ADAM11: variants seen among roughly 807,000 people sequenced by gnomAD.
The protein encoded by ADAM11 is disintegrin and metalloproteinase domain-containing protein 11.
A neutral mutation model predicts 119.1 loss-of-function variants in ADAM11; 49 were observed. The ratio of observed to expected loss-of-function variants is 0.41; its 90% CI spans 0.33 to 0.52. The LOEUF (loss-of-function observed/expected upper bound fraction) is 0.52, where lower values mean the gene tolerates loss of function less well. Ranked by LOEUF, ADAM11 falls within the 20% of genes least tolerant of loss-of-function variation. The pLI is 0.20. For missense variants in ADAM11, 777 were observed against 1,047.5 expected (o/e 0.74, Z 3.56); for synonymous variants, 364 against 408.0 (o/e 0.89, Z 1.30).
rs751906080 is a variant in ADAM11, at chr17:44,771,574, G to A, written c.382-10G>A. 3.1e-6 allele frequency: 5 copies of A among 1,610,740 alleles called. No individual in the cohort carries two copies. In the South Asian group the frequency reaches 5.5e-5, roughly 18 times the overall value. ...ATGCCAGCGTTCTGCTCACTGTTCT[G>A]CTCCTTCAGGGGGCTGGAGACCACT... On this transcript the variant is annotated splice_polypyrimidine_tract_variant and intron_variant, in intron 4 of 26. Transcript: ENST00000200557.
intron 6 of ADAM11, 63 bp downstream of exon 6, chr17:44,771,894 T>C (rs1301513642): frequency 2.6e-6 from 4 of 1,544,524 alleles, no homozygotes; most frequent in Admixed American, 1.9e-5. Context: ...TCCCAACAGC[T>C]GTTGCTGCCA....
intron 2 of ADAM11, among the ~76,000 whole-genome samples, chr17:44,762,992 C>A (rs1377463856): frequency 6.6e-6 from 1 of 151,702 alleles, no homozygotes; most frequent in Non-Finnish European, 1.5e-5. Context: ...AAAAATTACC[C>A]AAGCATGGTG....
rs764055319 is a variant in ADAM11 at position 44,773,033 on chromosome 17, C to T, written c.773C>T (p.Ser258Leu). 20 of 1,614,060 alleles carry T rather than the reference C, an allele frequency of 1.2e-5. No homozygotes were observed. Among genetic ancestry groups the T allele is most frequent in the South Asian group, 4.4e-5 (4 of 91,076 alleles). The part of the protein sequence containing the change: ...DHQLFEQMRQ[S>L]VVLTSNFAKS... ...TCCCAGTTCGAGCAGATGCGACAGT[C>T]GGTGGTCCTCACCAGCAACTTTGCC... Residue 258 changes from serine to leucine, a missense_variant, in exon 10 of 27, where the codon TCG (serine) becomes TTG (leucine). Transcript: ENST00000200557. This position sits in a 1 kb window ranked among gnomAD's most constrained non-coding sequence, Gnocchi z 4.6.
Position 44,772,753 on chromosome 17 carries a change from C to A in ADAM11, c.679-104C>A. The A allele has an allele frequency of 1.9e-6, 2 of 1,077,868 alleles. No homozygotes were observed. Among genetic ancestry groups the A allele is most frequent in the Non-Finnish European group, 2.8e-6 (2 of 723,066 alleles). 66.8% of individuals were successfully genotyped at this position (1,077,868 alleles called of 1,614,324 possible). ...AGTGGGGAGCTGGCACTGTCCCTGG[C>A]TGGAGTCCAGACCCCCCCATCCCCA... On this transcript the variant is annotated intron_variant, in intron 8 of 26. Transcript: ENST00000200557. The surrounding 1 kb of genome is among the most constrained non-coding windows in gnomAD (Gnocchi z 4.5).
rs535379422 is a variant in ADAM11, at chr17:44,777,531, C to T, written c.1831C>T (p.Arg611Trp). ...LLCVNISGAPRLGDLVGDISS... is the reference protein window; with the variant it reads ...LLCVNISGAPWLGDLVGDISS... ...CTGTGTCAACATCTCTGGAGCTCCT[C>T]GGCTAGGGGACCTGGTGGGAGACAT... Residue 611 changes from arginine (R) to tryptophan (W), a missense_variant, in exon 22 of 27, where the codon CGG (arginine) becomes TGG (tryptophan). This residue lies in a region of ADAM11 where 348 missense variants were observed against 486.7 expected (regional missense o/e 0.72). Transcript: ENST00000200557. The surrounding 1 kb of genome is among the most constrained non-coding windows in gnomAD (Gnocchi z 5.1). 16 of 1,614,054 alleles carry T rather than the reference C, an allele frequency of 9.9e-6. No individual in the cohort carries two copies. In the South Asian group the frequency reaches 1.1e-4, roughly 11 times the overall value.
rs1401002975 is a variant in ADAM11, at chr17:44,771,809, C to T, written c.521C>T (p.Ala174Val). The T allele has an allele frequency of 2.5e-6, 4 of 1,612,324 alleles. No individual in the cohort carries two copies. The highest frequency in any genetic ancestry group is 3.4e-6 in the Non-Finnish European group (4 of 1,178,560). ...LTYIVEPQEV[A>V]GPWGAPQGPL... ...TACATCGTGGAGCCCCAAGAGGTGG[C>T]TGGACCTTGGGGAGCCCCTCAGGTA... The change falls in exon 6 of 27, where the codon GCT (alanine) becomes GTT (valine). Residue 174 changes from alanine to valine, a missense_variant. Ala to Val is a moderately conservative substitution (Grantham distance 64). Coordinates refer to ENST00000200557, the MANE Select transcript of ADAM11 (RefSeq NM_002390.6).
At chr17:44,770,234 A>G (rs1334863417) in intron 4 of ADAM11, among the ~76,000 whole-genome samples, 186 bp downstream of exon 4, 1 of 152,158 alleles carries the variant, frequency 6.6e-6, no homozygotes, top group African/African-American at 2.4e-5. Context: ...TTGAGTGCAT[A>G]GGGCCCTGAA....
In ADAM11 at chr17:44,776,812, CT is replaced by C. The variant is rs1433346962; in HGVS notation, c.1617+18del. Reference sequence around the variant, plus strand: ...CATGAGCAGGTATGATGGCTGCCCCCTGAGCCTGGGATTCAGGGCAGTCTCT... The same window carrying C: ...CATGAGCAGGTATGATGGCTGCCCCCGAGCCTGGGATTCAGGGCAGTCTCT... On this transcript the variant is annotated intron_variant, in intron 19 of 26. Coordinates refer to ENST00000200557, the MANE Select transcript of ADAM11 (RefSeq NM_002390.6). The surrounding 1 kb of genome is among the most constrained non-coding windows in gnomAD (Gnocchi z 5.2). 5.0e-6 allele frequency: 8 copies of C among 1,614,028 alleles called. No homozygotes were observed. The highest frequency in any genetic ancestry group is 6.8e-6 in the Non-Finnish European group (8 of 1,180,000).
At chr17:44,774,862 T>A in intron 14 of ADAM11, 113 bp downstream of exon 14, 1 of 1,320,684 alleles carries the variant, frequency 7.6e-7, no homozygotes, top group East Asian at 2.4e-5. Context: ...ACAGAACCAC[T>A]CAGGATCCCA....
At chr17:44,759,408 A>G in intron 1 of ADAM11, 148 bp downstream of exon 1, 1 of 1,257,594 alleles carries the variant, frequency 8.0e-7, no homozygotes, top group Non-Finnish European at 1.0e-6. Context: ...GAGAGGAGGG[A>G]AGGTGCGTCC....
Position 44,778,222 on chromosome 17 carries a change from C to A in ADAM11, c.2256C>A (p.Gly752=), listed in dbSNP as rs200916959. The A allele has an allele frequency of 1.1e-5, 18 of 1,613,146 alleles. No homozygotes were observed. The highest frequency in any genetic ancestry group is 1.6e-4 in the Middle Eastern group (1 of 6,068). The change falls in exon 25 of 27, where the codon GGC becomes GGA. Residue 752 remains glycine (G), a synonymous_variant. Coordinates refer to ENST00000200557, the MANE Select transcript of ADAM11 (RefSeq NM_002390.6). ...TCCTGGTTGCAGCCATCGTCCTGGGCGGCACGGGCTGGGGATTTAAGTAAG... is the reference window on the plus strand; with the variant it reads ...TCCTGGTTGCAGCCATCGTCCTGGGAGGCACGGGCTGGGGATTTAAGTAAG... ...GAVLVAAIVL[G]GTGWGFKNIR...
At chr17:44,778,319 G>A (rs2049635935) in intron 25 of ADAM11, 77 bp downstream of exon 25, 2 of 1,436,006 alleles carry the variant, frequency 1.4e-6, no homozygotes, top group East Asian at 2.5e-5. Flanking sequence ...AGCTGAGGGG[G>A]CCCTCCCTGA....
At chr17:44,779,293 G>T (rs2049658434) in intron 26 of ADAM11, 54 bp downstream of exon 26, 4 of 1,546,722 alleles carry the variant, frequency 2.6e-6, no homozygotes, top group Non-Finnish European at 3.5e-6. Context: ...CATCCCTCCC[G>T]CTGTCCTTGT....
Position 44,775,779 on chromosome 17 carries a change from ACGAAGGCCTCTGGGG to A in ADAM11, c.1485+105_1485+119del. ...AGGGAGGGAAGCGGAGCCTTCGGGG[ACGAAGGCCTCTGGGG>A]CAGGGCTTGATGCGAAGACAGCGCC... On this transcript the variant is annotated intron_variant, in intron 17 of 26. Coordinates refer to ENST00000200557, the MANE Select transcript of ADAM11 (RefSeq NM_002390.6). This position sits in a 1 kb window ranked among gnomAD's most constrained non-coding sequence, Gnocchi z 7.5. The A allele has an allele frequency of 8.2e-7, 1 of 1,224,440 alleles. No homozygotes were observed. 75.8% of individuals were successfully genotyped at this position (1,224,440 alleles called of 1,614,324 possible).
chr17:44,759,130 C>T lies in ADAM11; in HGVS notation c.-70C>T. ...CTCCGCAGCTGGCGCCTCCCCACCC[C>T]CGTCCCTGCTCCCGCCCTCCCCGCG... On this transcript the variant is annotated 5_prime_UTR_variant, in exon 1 of 27. Transcript: ENST00000200557. The T allele has an allele frequency of 1.9e-6, 2 of 1,051,420 alleles. No individual in the cohort carries two copies. Among genetic ancestry groups the T allele is most frequent in the Non-Finnish European group, 2.4e-6 (2 of 832,200 alleles). 65.1% of individuals were successfully genotyped at this position (1,051,420 alleles called of 1,614,324 possible).
chr17:44,770,496 C>G (rs60015991), intron 4 of ADAM11, among the ~76,000 whole-genome samples: 36,639 of 80,434 alleles, frequency 0.46, 5,200 homozygotes, highest in Non-Finnish European at 0.49. Context: ...TCTCCCCCCC[C>G]CCCGCCCCCA....
intron 1 of ADAM11, 173 bp downstream of exon 1, chr17:44,759,433 A>G: frequency 8.0e-7 from 1 of 1,248,956 alleles, no homozygotes; most frequent in Non-Finnish European, 1.0e-6. Flanking sequence ...ACCTGTCCCC[A>G]GCTGGCCGGG....
rs934213382 is a variant in ADAM11, at chr17:44,774,478, T to C, written c.1078-14T>C. 6 of 1,611,938 alleles carry C rather than the reference T, an allele frequency of 3.7e-6. No homozygotes were observed. The African/African-American group carries it at 8.0e-5, about 22-fold the overall frequency. On this transcript the variant is annotated splice_polypyrimidine_tract_variant and intron_variant, in intron 12 of 26. Coordinates refer to ENST00000200557, the MANE Select transcript of ADAM11 (RefSeq NM_002390.6). ...AAGATGTAGACATCTGTGCCCCATC[T>C]TCCCCACCCCCAGTACGGCAACATG... is the stretch of plus-strand genomic sequence containing the variant.
intron 2 of ADAM11, among the ~76,000 whole-genome samples, chr17:44,761,041 G>A (rs1432379123): frequency 1.3e-5 from 2 of 148,770 alleles, no homozygotes; most frequent in African/African-American, 2.5e-5. Context: ...GGGGTGGGGG[G>A]TGGAAGCTGC....
Sources: allele counts gnomAD v4.1 joint callset (sites outside exome capture counted in the v4.1 genomes callset), GRCh38; gene constraint gnomAD v4.1.1; regional missense constraint gnomAD v4.1.1; non-coding constraint Gnocchi (gnomAD v3.1); transcripts MANE v1.5; gene names NCBI Gene and HGNC (gene_info 2026-07-23, HGNC 2026-07-21).